The following LUC7L2 variants were observed in gnomAD, a reference collection of about 807,000 sequenced individuals.
LUC7L2 encodes LUC7 like 2, pre-mRNA splicing factor, also known as putative RNA-binding protein Luc7-like 2.
A neutral mutation model predicts 52.8 loss-of-function variants in LUC7L2; 25 were observed. The observed-to-expected ratio is 0.47, with a 90% CI of 0.34 to 0.66. The LOEUF is 0.66. Among genes scored for constraint, LUC7L2 ranks in the 30% least tolerant of loss-of-function variants. The pLI is 0.01. For missense variants in LUC7L2, 328 were observed against 497.8 expected, an observed-to-expected ratio of 0.66 and a Z score of 3.25; for synonymous variants, 144 against 160.9, an observed-to-expected ratio of 0.89 and a Z score of 0.80.
At chr7:139,392,801 C>T (rs1054289781) in intron 2 of LUC7L2, among the ~76,000 whole-genome samples, 2 of 151,956 alleles carry the variant, frequency 1.3e-5, no homozygotes, top group African/African-American at 2.4e-5. Context: ...TACAGGCATG[C>T]ACCACCACGC....
chr7:139,385,448 A>G (rs1794151709), intron 2 of LUC7L2, among the ~76,000 whole-genome samples: 1 of 151,510 alleles, frequency 6.6e-6, no homozygotes, highest in Non-Finnish European at 1.5e-5. Context: ...CAGCCTCCCA[A>G]GTAGCAAGGA....
intron 1 of LUC7L2, among the ~76,000 whole-genome samples, chr7:139,373,500 G>A (rs1222743316): frequency 6.6e-6 from 1 of 152,136 alleles, no homozygotes; most frequent in Non-Finnish European, 1.5e-5. Flanking sequence ...GCGGTGAGGA[G>A]TTATTTTAAA....
intron 1 of LUC7L2, chr7:139,374,561 T>C (rs1209136297): frequency 3.9e-6 from 6 of 1,546,154 alleles, no homozygotes; most frequent in South Asian, 2.4e-5. Flanking sequence ...AAAATAACTT[T>C]TATTATAGTA....
chr7:139,376,026 C>T, intron 1 of LUC7L2, 36 bp from the exon 2 acceptor site: 1 of 1,608,940 alleles, frequency 6.2e-7, no homozygotes, highest in Non-Finnish European at 8.5e-7. Flanking sequence ...TTCCAGTTGT[C>T]TAACCTTGAA....
At chr7:139,370,678 C>T (rs1800400157) in intron 1 of LUC7L2, among the ~76,000 whole-genome samples, 1 of 152,308 alleles carries the variant, frequency 6.6e-6, no homozygotes, top group South Asian at 2.1e-4. Flanking sequence ...TGGCCTTGAA[C>T]TCCTGACCGC....
intron 1 of LUC7L2, among the ~76,000 whole-genome samples, chr7:139,353,847 G>T (rs1799529770): frequency 6.6e-6 from 1 of 151,978 alleles, no homozygotes; most frequent in South Asian, 2.1e-4. Flanking sequence ...AGGCACGGTG[G>T]CTCACGCCTG....
chr7:139,418,041 A>G (rs1795705856), intron 9 of LUC7L2, among the ~76,000 whole-genome samples: 1 of 152,364 alleles, frequency 6.6e-6, no homozygotes, highest in Admixed American at 6.5e-5. Flanking sequence ...TACCCTTAGT[A>G]TGGATCAGCA....
In LUC7L2 at chr7:139,360,276, C is replaced by T. The variant is rs1031757419; in HGVS notation, c.15C>T (p.Ala5=). ...ACGCCGCCGCCATGTCGGCGCAGGC[C>T]CAGATGCGCGCGATGCTGGACCAGT... The part of the protein sequence containing the change: MSAQ[A]QMRAMLDQLM... Residue 5 remains alanine (A), a synonymous_variant, in exon 1 of 10, where the codon GCC becomes GCT. Coordinates refer to ENST00000354926, the MANE Select transcript of LUC7L2 (RefSeq NM_016019.5). 5.1e-6 allele frequency: 8 copies of T among 1,567,120 alleles called. No homozygotes were observed. The highest frequency in any genetic ancestry group is 1.4e-5 in the African/African-American group (1 of 73,648).
chr7:139,386,929 T>G (rs1455506720), intron 2 of LUC7L2, among the ~76,000 whole-genome samples: 1 of 152,062 alleles, frequency 6.6e-6, no homozygotes, highest in East Asian at 1.9e-4. Flanking sequence ...AGCCTCCTCC[T>G]TCTGGGTTCA....
intron 1 of LUC7L2, chr7:139,375,395 A>C: frequency 4.1e-6 from 4 of 985,410 alleles, no homozygotes; most frequent in Non-Finnish European, 4.8e-6. Flanking sequence ...TGGACGCATT[A>C]AAGTTAACGT....
At chr7:139,343,162 C>T (rs1799085874) in intron 1 of LUC7L2, among the ~76,000 whole-genome samples, 1 of 152,184 alleles carries the variant, frequency 6.6e-6, no homozygotes, top group South Asian at 2.1e-4. Flanking sequence ...CCTACATTAA[C>T]CTAGAATTCC....
intron 9 of LUC7L2, among the ~76,000 whole-genome samples, chr7:139,418,538 A>G (rs561074500): frequency 1.3e-5 from 2 of 152,228 alleles, no homozygotes; most frequent in Non-Finnish European, 2.9e-5. Context: ...CTAGTCTTAC[A>G]TATTCTGTGG....
At chr7:139,380,587 G>A (rs548007165) in intron 2 of LUC7L2, among the ~76,000 whole-genome samples, 25 of 152,214 alleles carry the variant, frequency 1.6e-4, no homozygotes, top group African/African-American at 4.6e-4. Context: ...GCAAAAGAGC[G>A]AGACACCGTT....
rs551144454 is a variant in LUC7L2 at position 139,386,870 on chromosome 7, G to A, written c.156+10714G>A. On this transcript the variant is annotated intron_variant, in intron 2 of 9. Transcript: ENST00000354926. ...GAGCTTTTTTTTGAGACAGAGTTTT[G>A]CTCTTGTTCCCCAGGCTGGAGTGCA... 1.5e-4 allele frequency among the ~76,000 whole-genome samples: 22 copies of A among 151,404 alleles called. No individual in the cohort carries two copies. The South Asian group carries it at 4.6e-3, about 32-fold the overall frequency.
chr7:139,401,088 C>CATTAATAA (rs1794892710), intron 3 of LUC7L2, among the ~76,000 whole-genome samples: 1 of 152,064 alleles, frequency 6.6e-6, no homozygotes, highest in Admixed American at 6.6e-5. Flanking sequence ...TAATTGTAGA[C>CATTAATAA]ATTAATATGT....
intron 9 of LUC7L2, among the ~76,000 whole-genome samples, chr7:139,419,389 A>C (rs573033698): frequency 6.6e-6 from 1 of 152,304 alleles, no homozygotes; most frequent in Non-Finnish European, 1.5e-5. Flanking sequence ...AAATGCAGAG[A>C]ATGAGGAGGG....
intron 1 of LUC7L2, among the ~76,000 whole-genome samples, chr7:139,366,715 T>C (rs544166684): frequency 1.1e-4 from 17 of 152,340 alleles, no homozygotes; most frequent in African/African-American, 4.1e-4. Flanking sequence ...AGCTTGTTGA[T>C]CACCATTCTG....
chr7:139,400,026 A>G (rs940432245), intron 3 of LUC7L2, among the ~76,000 whole-genome samples: 2 of 152,212 alleles, frequency 1.3e-5, no homozygotes, highest in African/African-American at 4.8e-5. Context: ...ACCAACAAAC[A>G]GGTCCTCTTG....
chr7:139,410,202 T>C (rs989734734), intron 7 of LUC7L2, among the ~76,000 whole-genome samples: 22 of 150,598 alleles, frequency 1.5e-4, no homozygotes, highest in African/African-American at 5.4e-4. Flanking sequence ...CGAGACTCTG[T>C]CTCAAAAAAA....
Sources: allele counts gnomAD v4.1 joint callset (sites outside exome capture counted in the v4.1 genomes callset), GRCh38; gene constraint gnomAD v4.1.1; transcripts MANE v1.5; gene names NCBI Gene and HGNC (gene_info 2026-07-23, HGNC 2026-07-21).